Variants in EXTL2 observed in about 807,000 individuals in gnomAD.
The protein encoded by EXTL2 is exostosin like glycosyltransferase 2.
EXTL2 carries 23 observed loss-of-function variants against 30.7 expected under a neutral mutation model. That is an observed-to-expected ratio of 0.75 (90% CI 0.54 to 1.06). The LOEUF (loss-of-function observed/expected upper bound fraction) is 1.06. Among genes scored for constraint, EXTL2 ranks in the 50% least tolerant of loss-of-function variants. The pLI is 0.00. For missense variants in EXTL2, 352 were observed against 396.3 expected (o/e 0.89, Z 0.95); for synonymous variants, 123 against 133.8 (o/e 0.92, Z 0.56).
chr1:100,892,135 AGGTGTATTTGGGTGTTTCTG>A (rs1650477731), intron 1 of EXTL2, among the ~76,000 whole-genome samples: 1 of 152,158 alleles, frequency 6.6e-6, no homozygotes, highest in Non-Finnish European at 1.5e-5. Flanking sequence ...TATTGTTTCT[AGGTGTATTTGGGTGTTTCTG>A]GGTGTTGCCA....
At chr1:100,887,856 A>C (rs1361440555) in intron 2 of EXTL2, among the ~76,000 whole-genome samples, 1 of 151,898 alleles carries the variant, frequency 6.6e-6, no homozygotes, top group East Asian at 1.9e-4. Context: ...CCGCCATCAC[A>C]CCCGGCAAAT....
chr1:100,888,004 A>G (rs889266456), intron 2 of EXTL2, among the ~76,000 whole-genome samples: 2 of 152,178 alleles, frequency 1.3e-5, no homozygotes, highest in South Asian at 2.1e-4. Context: ...TGCCCGCCAC[A>G]TTGTATTTTC....
chr1:100,877,366 C>T lies in EXTL2; in HGVS notation c.433+110G>A. The T allele has an allele frequency of 3.0e-6, 3 of 1,003,208 alleles. No homozygotes were observed. The highest frequency in any genetic ancestry group is 4.3e-6 in the Non-Finnish European group (3 of 700,624). The allele number at this position is 1,003,208 out of a possible 1,614,324, so 62.1% of individuals were successfully genotyped here. A position where few individuals can be genotyped will look rare whatever the true frequency, so the allele number is the denominator to read the frequency against. On this transcript the variant is annotated intron_variant, in intron 3 of 4. Transcript: ENST00000370114. The surrounding 1 kb of genome is among the most constrained non-coding windows in gnomAD (Gnocchi z 4.1). ...TTCCAAAGTGCTTTCTTAGGACTAA[C>T]TTCCTTCATTTTTCTCCAGACGGTT...
intron 4 of EXTL2, among the ~76,000 whole-genome samples, chr1:100,874,771 T>C (rs1648970412): frequency 6.6e-6 from 1 of 152,074 alleles, no homozygotes; most frequent in South Asian, 2.1e-4. Flanking sequence ...ACTGCCTGAA[T>C]GCTATTTGTT....
Position 100,877,672 on chromosome 1 carries a change from T to A in EXTL2, c.237A>T (p.Leu79Phe), listed in dbSNP as rs777567842. Residue 79 changes from leucine (L) to phenylalanine (F), a missense_variant, in exon 3 of 5, where the codon TTA becomes TTT. Transcript: ENST00000370114. The surrounding 1 kb of genome is among the most constrained non-coding windows in gnomAD (Gnocchi z 4.1). ...IMQTYNRTDL[L>F]LKLLNHYQAV... ...CCTGATAATGATTTAAAAGTTTCAA[T>A]AAGAGATCTGTTCTGTTGTACGTCT... is the stretch of plus-strand genomic sequence containing the variant. 2 of 1,613,586 alleles carry A rather than the reference T, an allele frequency of 1.2e-6. No individual in the cohort carries two copies. Among genetic ancestry groups the A allele is most frequent in the Admixed American group, 1.7e-5 (1 of 59,928 alleles).
Position 100,874,090 on chromosome 1 carries a change from C to T in EXTL2, c.845G>A (p.Gly282Glu). 2 of 1,613,124 alleles carry T rather than the reference C, an allele frequency of 1.2e-6. No individual in the cohort carries two copies. Among genetic ancestry groups the T allele is most frequent in the African/African-American group, 2.7e-5 (2 of 74,964 alleles). The change falls in exon 5 of 5, where the codon GGA (glycine) becomes GAA (glutamate). Residue 282 changes from glycine to glutamate, a missense_variant. Gly to Glu is a moderately conservative substitution (Grantham distance 98). Coordinates refer to ENST00000370114, the MANE Select transcript of EXTL2 (RefSeq NM_001033025.3). ...AGCGTGCTCAGCTCGATGCCACATT[C>T]CAGAATAGCCACTGTTGGTTTCTTT... Reference protein sequence around the residue: ...LEKETNSGYSGMWHRAEHALQ... With the variant: ...LEKETNSGYSEMWHRAEHALQ...
intron 2 of EXTL2, among the ~76,000 whole-genome samples, chr1:100,884,528 C>T (rs1649814100): frequency 6.6e-6 from 1 of 152,074 alleles, no homozygotes; most frequent in Admixed American, 6.5e-5. Context: ...ATAACCAACA[C>T]TGTTTAAACT....
chr1:100,887,252 A>G (rs1005015338), intron 2 of EXTL2, among the ~76,000 whole-genome samples: 1 of 152,260 alleles, frequency 6.6e-6, no homozygotes, highest in African/African-American at 2.4e-5. Context: ...TCACTTCTGT[A>G]AGAGAAATGG....
chr1:100,893,607 A>G (rs935102308), intron 1 of EXTL2, among the ~76,000 whole-genome samples: 1 of 152,232 alleles, frequency 6.6e-6, no homozygotes, highest in Non-Finnish European at 1.5e-5. Flanking sequence ...TGAATGAAAG[A>G]AACAAATTTG....
chr1:100,888,789 T>C lies in EXTL2; in HGVS notation c.-32A>G. The C allele has an allele frequency of 2.6e-6, 4 of 1,547,362 alleles. No individual in the cohort carries two copies. The highest frequency in any genetic ancestry group is 3.5e-6 in the Non-Finnish European group (4 of 1,131,886). On this transcript the variant is annotated 5_prime_UTR_variant, in exon 2 of 5. Coordinates refer to ENST00000370114, the MANE Select transcript of EXTL2 (RefSeq NM_001033025.3). ...GAAGTTTAATTTTTAAAAAATCTCC[T>C]TATAGCTTCAGTAATTGACAGAAGC...
At chr1:100,876,186 A>G (rs1312957417) in intron 4 of EXTL2, among the ~76,000 whole-genome samples, 1 of 152,086 alleles carries the variant, frequency 6.6e-6, no homozygotes, top group African/African-American at 2.4e-5. Flanking sequence ...TGGCAGTGCA[A>G]CTTGTAAAAG....
chr1:100,879,502 A>G lies in EXTL2; in HGVS notation c.6-1599T>C, dbSNP rs1300721952. 2.0e-5 allele frequency among the ~76,000 whole-genome samples: 3 copies of G among 152,214 alleles called. No homozygotes were observed. The East Asian group carries it at 5.8e-4, about 29-fold the overall frequency. On this transcript the variant is annotated intron_variant, in intron 2 of 4. Transcript: ENST00000370114. The stretch of plus-strand genomic sequence containing the variant: ...TATTTAAAACACCTTTAGGAAAAAA[A>G]TAGATCTCTGAGAAAGAATAGATGA...
intron 2 of EXTL2, among the ~76,000 whole-genome samples, chr1:100,886,528 T>C (rs1396880295): frequency 1.3e-5 from 2 of 152,242 alleles, no homozygotes; most frequent in Non-Finnish European, 2.9e-5. Flanking sequence ...TCTTATGCAT[T>C]GCAAAAGCTG....
chr1:100,882,097 C>T (rs1649605474), intron 2 of EXTL2, among the ~76,000 whole-genome samples: 1 of 152,180 alleles, frequency 6.6e-6, no homozygotes, highest in Non-Finnish European at 1.5e-5. Context: ...CCAAAACCAT[C>T]CCCCACCACC....
Position 100,888,832 on chromosome 1 carries a change from T to C in EXTL2, c.-71-4A>G. 4.4e-6 allele frequency: 5 copies of C among 1,149,076 alleles called. No homozygotes were observed. Among genetic ancestry groups the C allele is most frequent in the South Asian group, 3.6e-5 (2 of 55,236 alleles). 71.2% of individuals were successfully genotyped at this position (1,149,076 alleles called of 1,614,324 possible). A position where few individuals can be genotyped will look rare whatever the true frequency, so the allele number is the denominator to read the frequency against. ...ACAGAAGCAGGCTCACTTGTCACTATTAAGATAAATCAAAGAATTTTCTGT... is the reference window on the plus strand; with the variant it reads ...ACAGAAGCAGGCTCACTTGTCACTACTAAGATAAATCAAAGAATTTTCTGT... On this transcript the variant is annotated splice_polypyrimidine_tract_variant and splice_region_variant and intron_variant, in intron 1 of 4. Coordinates refer to ENST00000370114, the MANE Select transcript of EXTL2 (RefSeq NM_001033025.3).
chr1:100,884,273 A>T (rs1250630361), intron 2 of EXTL2, among the ~76,000 whole-genome samples: 2 of 152,212 alleles, frequency 1.3e-5, no homozygotes, highest in Non-Finnish European at 2.9e-5. Flanking sequence ...TTTGCCTCAT[A>T]CTGTCCAGAT....
intron 1 of EXTL2, among the ~76,000 whole-genome samples, chr1:100,890,901 A>G (rs1034145904): frequency 3.9e-5 from 6 of 152,252 alleles, no homozygotes; most frequent in African/African-American, 1.4e-4. Flanking sequence ...TTTTATACCA[A>G]TGCCCTACTC....
Position 100,873,897 on chromosome 1 carries a change from T to A in EXTL2, c.*45A>T. The A allele has an allele frequency of 6.6e-7, 1 of 1,517,508 alleles. No homozygotes were observed. The highest frequency in any genetic ancestry group is 8.8e-7 in the Non-Finnish European group (1 of 1,136,654). 94.0% of individuals were successfully genotyped at this position (1,517,508 alleles called of 1,614,324 possible). On this transcript the variant is annotated 3_prime_UTR_variant, in exon 5 of 5. Transcript: ENST00000370114. ...AAAATACATAGCATGGAGAAGCTAC[T>A]CAAATGCCAAGCAGTTTTCAGGTTT...
At position 100,888,679 on chromosome 1, in the gene EXTL2, C is replaced by T. The variant is rs1046950633; in HGVS notation, c.5+74G>A. The T allele has an allele frequency of 2.7e-5, 21 of 774,520 alleles. 1 individual carries two copies. Among genetic ancestry groups the T allele is most frequent in the East Asian group, 7.6e-5 (3 of 39,318 alleles). 48.0% of individuals were successfully genotyped at this position (774,520 alleles called of 1,614,324 possible). On this transcript the variant is annotated intron_variant, in intron 2 of 4. Coordinates refer to ENST00000370114, the MANE Select transcript of EXTL2 (RefSeq NM_001033025.3). ...ACTACTGAACTATATACTTAAAACC[C>T]GTTAAGGTGATAAATTTTGTGTTAT...
Sources: gnomAD v4.1 joint callset for allele counts (sites outside exome capture counted in the v4.1 genomes callset) on GRCh38, gnomAD v4.1.1 for gene constraint, Gnocchi (gnomAD v3.1) non-coding constraint, MANE v1.5 for transcripts, NCBI Gene and HGNC (gene_info 2026-07-23, HGNC 2026-07-21) for gene names.